The following KDM4C variants were observed in gnomAD, a reference collection of about 807,000 sequenced individuals.
KDM4C encodes lysine-specific demethylase 4C.
A neutral mutation model predicts 129.3 loss-of-function variants in KDM4C; 81 were observed. The ratio of observed to expected loss-of-function variants is 0.63; its 90% CI spans 0.52 to 0.75. KDM4C has a LOEUF of 0.75. Among genes scored for constraint, KDM4C ranks in the 30% least tolerant of loss-of-function variants. The pLI is 0.00. For synonymous variants in KDM4C, 573 were observed against 456.1 expected (o/e 1.26, Z -3.26); for missense variants, 1,457 against 1,304.0 (o/e 1.12, Z -1.81).
chr9:7,054,565 G>A (rs899218253), intron 17 of KDM4C, among the ~76,000 whole-genome samples: 1 of 152,106 alleles, frequency 6.6e-6, no homozygotes, highest in Non-Finnish European at 1.5e-5. Context: ...GGAAGAAGGC[G>A]GTAGGGTTTG....
chr9:6,795,667 A>AT (rs1007341766), intron 2 of KDM4C, among the ~76,000 whole-genome samples: 10 of 148,860 alleles, frequency 6.7e-5, no homozygotes, highest in East Asian at 4.0e-4. Flanking sequence ...TTCCTAGAAA[A>AT]TTTTTTTTTT....
chr9:6,813,086 A>G (rs1248124202), intron 3 of KDM4C, among the ~76,000 whole-genome samples: 4 of 152,086 alleles, frequency 2.6e-5, no homozygotes, highest in African/African-American at 9.7e-5. Flanking sequence ...GAGGCAGGAG[A>G]ATCCCTTGAA....
chr9:6,925,431 T>C, intron 8 of KDM4C: 1 of 933,566 alleles, frequency 1.1e-6, no homozygotes, highest in Non-Finnish European at 1.3e-6. Context: ...CTTCCTCCTT[T>C]CCCCTTTTCC....
intron 19 of KDM4C, among the ~76,000 whole-genome samples, chr9:7,154,573 A>G (rs1355974093): frequency 6.6e-6 from 1 of 152,192 alleles, no homozygotes; most frequent in Non-Finnish European, 1.5e-5. Flanking sequence ...AATTCAGGTA[A>G]TCAGACTGGC....
At chr9:6,810,803 T>C (rs1327807056) in intron 3 of KDM4C, among the ~76,000 whole-genome samples, 1 of 152,102 alleles carries the variant, frequency 6.6e-6, no homozygotes, top group African/African-American at 2.4e-5. Flanking sequence ...CCTGGGAGGC[T>C]GAGGCTTCAG....
Position 7,131,267 on chromosome 9 carries a change from A to G in KDM4C, c.2781+3031A>G, listed in dbSNP as rs148205422. On this transcript the variant is annotated intron_variant, in intron 19 of 21. Coordinates refer to ENST00000381309, the MANE Select transcript of KDM4C (RefSeq NM_015061.6). ...TTTCAAGTTCCATATACTTTCTAAC[A>G]GTGTCACCGTTGTTAGCTGCTGTAG... Among the ~76,000 whole-genome samples the G allele has an allele frequency of 5.1e-3, 781 of 152,254 alleles. 5 individuals are homozygous for G. The highest frequency in any genetic ancestry group is 9.4e-3 in the Non-Finnish European group (641 of 68,014).
At chr9:7,056,172 T>C (rs1319673425) in intron 17 of KDM4C, among the ~76,000 whole-genome samples, 1 of 152,278 alleles carries the variant, frequency 6.6e-6, no homozygotes, top group East Asian at 1.9e-4. Context: ...TAGTGAACTA[T>C]TCTAAAGGAG....
intron 18 of KDM4C, among the ~76,000 whole-genome samples, chr9:7,109,989 G>T (rs1287043602): frequency 6.6e-6 from 1 of 152,114 alleles, no homozygotes; most frequent in African/African-American, 2.4e-5. Flanking sequence ...GTCCTGTGAG[G>T]AGGTGCCTTC....
Position 7,059,698 on chromosome 9 carries a change from T to A in KDM4C, c.2424+10498T>A, listed in dbSNP as rs555683877. 4.6e-5 allele frequency among the ~76,000 whole-genome samples: 7 copies of A among 152,328 alleles called. No individual in the cohort carries two copies. In the South Asian group the frequency reaches 1.5e-3, roughly 32 times the overall value. On this transcript the variant is annotated intron_variant, in intron 17 of 21. Transcript: ENST00000381309. ...CAACATATTACAACAGACCAAATGC[T>A]AAAGCAGATATGAGACTCTAACTCT... is the stretch of plus-strand genomic sequence containing the variant.
At chr9:6,858,663 C>G (rs1460356418) in intron 5 of KDM4C, among the ~76,000 whole-genome samples, 1 of 151,980 alleles carries the variant, frequency 6.6e-6, no homozygotes, top group Non-Finnish European at 1.5e-5. Context: ...ATCCCAGCTA[C>G]TCAAGAGGCT....
At chr9:6,854,536 A>AAC (rs1480659633) in intron 5 of KDM4C, among the ~76,000 whole-genome samples, 2 of 146,114 alleles carry the variant, frequency 1.4e-5, no homozygotes, top group Admixed American at 6.7e-5. Context: ...AAAAAAAAAA[A>AAC]AAAAAAAAAC....
Position 6,857,862 on chromosome 9 carries a change from C to G in KDM4C, c.629+8162C>G, listed in dbSNP as rs138449771. Among the ~76,000 whole-genome samples, 229 of 151,274 alleles carry G rather than the reference C, an allele frequency of 1.5e-3. No individual in the cohort carries two copies. The Middle Eastern group carries it at 0.021, about 14-fold the overall frequency. On this transcript the variant is annotated intron_variant, in intron 5 of 21. Transcript: ENST00000381309. ...CTCTGCCTCCCGGGCTCAAGCGATCCTCCCACCTCAGCCTCCTGAGTAGCT... is the reference window on the plus strand; with the variant it reads ...CTCTGCCTCCCGGGCTCAAGCGATCGTCCCACCTCAGCCTCCTGAGTAGCT...
chr9:7,010,483 G>A (rs1011943369), intron 12 of KDM4C, among the ~76,000 whole-genome samples: 3 of 152,162 alleles, frequency 2.0e-5, no homozygotes, highest in Admixed American at 1.3e-4. Context: ...CATGGGAAGG[G>A]CTGGAACACA....
intron 12 of KDM4C, among the ~76,000 whole-genome samples, chr9:6,997,313 T>C (rs990351743): frequency 6.6e-6 from 1 of 152,138 alleles, no homozygotes; most frequent in Admixed American, 6.5e-5. Context: ...CCCTCAGACA[T>C]GCGGAGCTGG....
chr9:6,836,120 T>C (rs553189464), intron 4 of KDM4C, among the ~76,000 whole-genome samples: 2 of 152,288 alleles, frequency 1.3e-5, no homozygotes, highest in African/African-American at 4.8e-5. Context: ...AGGGCTTACC[T>C]GTACACTGAC....
chr9:7,073,800 T>C (rs1277185141), intron 17 of KDM4C, among the ~76,000 whole-genome samples: 3 of 152,216 alleles, frequency 2.0e-5, no homozygotes, highest in Admixed American at 6.5e-5. Flanking sequence ...AGTTCACTCT[T>C]GCCTGGTGTC....
intron 3 of KDM4C, among the ~76,000 whole-genome samples, chr9:6,814,195 A>G (rs1312006658): frequency 1.3e-5 from 2 of 152,202 alleles, no homozygotes; most frequent in Non-Finnish European, 2.9e-5. Context: ...TACCAATATA[A>G]TAACTGCAAA....
intron 12 of KDM4C, among the ~76,000 whole-genome samples, chr9:7,009,185 A>C (rs1291201056): frequency 6.6e-6 from 1 of 152,248 alleles, no homozygotes; most frequent in Non-Finnish European, 1.5e-5. Flanking sequence ...ATTTCAACAA[A>C]GAGATAGAAG....
In KDM4C at chr9:7,049,142, A is replaced by G. The variant is rs184554792; in HGVS notation, c.2366A>G (p.Asn789Ser). ...GCGGTCCCAGAAGTTCGATTCACTA[A>G]TGTCCCAGAAAGGACACAAATAGAT... ...AVAVPEVRFT[N>S]VPERTQIDVG... Residue 789 changes from asparagine to serine, a missense_variant, in exon 17 of 22, where the codon AAT becomes AGT. By Grantham distance (46) the Asn-to-Ser change is conservative. Transcript: ENST00000381309. The G allele has an allele frequency of 1.9e-6, 3 of 1,612,700 alleles. No homozygotes were observed. The East Asian group carries it at 6.7e-5, about 36-fold the overall frequency.
Sources: allele counts gnomAD v4.1 joint callset (sites outside exome capture counted in the v4.1 genomes callset), GRCh38; gene constraint gnomAD v4.1.1; transcripts MANE v1.5; gene names NCBI Gene and HGNC (gene_info 2026-07-23, HGNC 2026-07-21).